MAP2: variants seen among roughly 807,000 people sequenced by gnomAD.
MAP2 encodes the protein microtubule-associated protein 2.
A neutral mutation model predicts 137.6 loss-of-function variants in MAP2; 14 were observed. That is an observed-to-expected ratio of 0.10 (90% CI 0.07 to 0.16). The LOEUF (loss-of-function observed/expected upper bound fraction) is 0.16. Ranked by LOEUF, MAP2 falls within the 10% of genes least tolerant of loss-of-function variation. MAP2 has a pLI of 1.00. For missense variants in MAP2, 2,088 were observed against 2,191.5 expected (o/e 0.95, Z 0.94); for synonymous variants, 786 against 782.3 (o/e 1.00, Z -0.08).
intron 13 of MAP2, among the ~76,000 whole-genome samples, chr2:209,723,274 G>T (rs1438562238): frequency 6.6e-6 from 1 of 152,304 alleles, no homozygotes; most frequent in East Asian, 1.9e-4. Context: ...CTGAGTCCCA[G>T]TGTTGCTGAC....
chr2:209,425,674 T>G (rs954956118), intron 1 of MAP2, among the ~76,000 whole-genome samples: 1 of 152,222 alleles, frequency 6.6e-6, no homozygotes, highest in Admixed American at 6.5e-5. Flanking sequence ...AAGCCTTCTA[T>G]GTGAGCCACA....
intron 13 of MAP2, among the ~76,000 whole-genome samples, chr2:209,711,184 CT>C (rs1017055167): frequency 6.6e-6 from 1 of 152,112 alleles, no homozygotes; most frequent in Non-Finnish European, 1.5e-5. Flanking sequence ...CCAAGAAAGT[CT>C]TTCCTTTTTA....
rs181355576 is a variant in MAP2 at position 209,634,258 on chromosome 2, A to G, written c.-30+9129A>G. On this transcript the variant is annotated intron_variant, in intron 4 of 15. Coordinates refer to ENST00000682079, the MANE Select transcript of MAP2 (RefSeq NM_001375505.1). ...TAATCCTGCTACTTCTATTAGTCTC[A>G]TCGATTTTTTGGAAAATCTCATTAT... Among the ~76,000 whole-genome samples, 453 of 152,290 alleles carry G rather than the reference A, an allele frequency of 3.0e-3. 3 individuals carry two copies. Among genetic ancestry groups the G allele is most frequent in the Middle Eastern group, 0.027 (8 of 294 alleles).
chr2:209,675,219 A>G (rs1398810555), intron 5 of MAP2, among the ~76,000 whole-genome samples: 2 of 151,956 alleles, frequency 1.3e-5, no homozygotes, highest in African/African-American at 4.8e-5. Flanking sequence ...GAAAAAATTT[A>G]CCAATTCTCC....
At chr2:209,450,693 G>T (rs1700113642) in intron 1 of MAP2, among the ~76,000 whole-genome samples, 1 of 152,110 alleles carries the variant, frequency 6.6e-6, no homozygotes, top group Non-Finnish European at 1.5e-5. Context: ...AGAGTATCTT[G>T]TAAAAAGTTA....
intron 5 of MAP2, chr2:209,661,806 G>C (rs932525488): frequency 2.6e-6 from 1 of 390,964 alleles, no homozygotes; most frequent in East Asian, 1.6e-4. Flanking sequence ...CTAATTTAGG[G>C]CTAGCTTATA....
At chr2:209,643,442 A>T (rs553360930) in intron 4 of MAP2, among the ~76,000 whole-genome samples, 1 of 152,278 alleles carries the variant, frequency 6.6e-6, no homozygotes, top group South Asian at 2.1e-4. Flanking sequence ...ATACTAAATA[A>T]TTCAATTACT....
intron 10 of MAP2, among the ~76,000 whole-genome samples, chr2:209,698,368 A>C (rs779899359): frequency 2.0e-5 from 3 of 152,180 alleles, no homozygotes; most frequent in Admixed American, 2.0e-4. Context: ...AGCATTTATT[A>C]AGTGGCATGC....
intron 7 of MAP2, among the ~76,000 whole-genome samples, chr2:209,681,626 G>A (rs1053083139): frequency 1.3e-5 from 2 of 152,158 alleles, no homozygotes; most frequent in African/African-American, 4.8e-5. Flanking sequence ...AAAAGGCAGA[G>A]AAGAACTAGG....
intron 1 of MAP2, among the ~76,000 whole-genome samples, chr2:209,469,157 C>A (rs1172134810): frequency 6.6e-6 from 1 of 152,174 alleles, no homozygotes; most frequent in East Asian, 1.9e-4. Flanking sequence ...TATTTGAATT[C>A]CTCCATTAGG....
At chr2:209,556,423 G>A (rs1295437448) in intron 2 of MAP2, among the ~76,000 whole-genome samples, 1 of 151,998 alleles carries the variant, frequency 6.6e-6, no homozygotes, top group African/African-American at 2.4e-5. Flanking sequence ...TTCATTTTCT[G>A]TACCTCAGTT....
At chr2:209,630,638 C>T (rs2092901888) in intron 4 of MAP2, among the ~76,000 whole-genome samples, 1 of 151,922 alleles carries the variant, frequency 6.6e-6, no homozygotes, top group South Asian at 2.1e-4. Context: ...CCACAAAATT[C>T]CCCTTTATTG....
At chr2:209,656,392 C>G (rs2095147791) in intron 5 of MAP2, among the ~76,000 whole-genome samples, 1 of 151,912 alleles carries the variant, frequency 6.6e-6, no homozygotes. Flanking sequence ...ACCTGTGGTC[C>G]CAGCTACTCA....
chr2:209,618,625 CA>C (rs1423100535), intron 3 of MAP2, among the ~76,000 whole-genome samples: 2 of 151,934 alleles, frequency 1.3e-5, no homozygotes, highest in Non-Finnish European at 2.9e-5. Context: ...ATCAAAAAGA[CA>C]ATATATAAGT....
intron 4 of MAP2, among the ~76,000 whole-genome samples, chr2:209,646,183 AAG>A (rs1278439860): frequency 3.3e-5 from 5 of 152,332 alleles, no homozygotes; most frequent in African/African-American, 1.2e-4. Flanking sequence ...GCAACAGAGT[AAG>A]ACCCTGTCTC....
chr2:209,598,632 G>A, intron 3 of MAP2, among the ~76,000 whole-genome samples: 1 of 141,552 alleles, frequency 7.1e-6, no homozygotes, highest in African/African-American at 2.6e-5. Context: ...AGAGTGTGAT[G>A]TTCCCCTTCC....
At chr2:209,660,701 AATTATT>A (rs562421271) in intron 5 of MAP2, among the ~76,000 whole-genome samples, 3,462 of 104,380 alleles carry the variant, frequency 0.033, 75 homozygotes, top group African/African-American at 0.059. Flanking sequence ...GGCCTGCTGC[AATTATT>A]ATTATTATTA....
intron 5 of MAP2, among the ~76,000 whole-genome samples, chr2:209,660,704 TA>T (rs1298602231): frequency 1.9e-5 from 1 of 51,694 alleles, no homozygotes; most frequent in Admixed American, 2.2e-4. Flanking sequence ...CTGCTGCAAT[TA>T]TTATTATTAT....
At position 209,700,392 on chromosome 2, in the gene MAP2, C is replaced by T. The variant is rs529182272; in HGVS notation, c.4584+54C>T. 3.8e-6 allele frequency: 5 copies of T among 1,328,992 alleles called. No homozygotes were observed. The South Asian group carries it at 5.0e-5, about 13-fold the overall frequency. The allele number at this position is 1,328,992 out of a possible 1,614,324, so 82.3% of individuals were successfully genotyped here. On this transcript the variant is annotated intron_variant, in intron 11 of 15. Transcript: ENST00000682079. ...TCATTTGAAGTTCCTTTGGTATTAGCTGTAACATCAGAATAACTTTTGATA... is the reference window on the plus strand; with the variant it reads ...TCATTTGAAGTTCCTTTGGTATTAGTTGTAACATCAGAATAACTTTTGATA...
Sources: gnomAD v4.1 joint callset for allele counts (sites outside exome capture counted in the v4.1 genomes callset) on GRCh38, gnomAD v4.1.1 for gene constraint, MANE v1.5 for transcripts, NCBI Gene and HGNC (gene_info 2026-07-23, HGNC 2026-07-21) for gene names.